The following AK1 variants were observed in gnomAD, a reference collection of about 807,000 sequenced individuals.
The protein encoded by AK1 is adenylate kinase 1, also known as adenylate kinase isoenzyme 1.
AK1 carries 13 observed loss-of-function variants against 23.9 expected under a neutral mutation model. The observed-to-expected ratio is 0.54, with a 90% CI of 0.35 to 0.86. The LOEUF (loss-of-function observed/expected upper bound fraction) is 0.86, where lower values mean the gene tolerates loss of function less well. Among genes scored for constraint, AK1 ranks in the 40% least tolerant of loss-of-function variants. AK1 has a pLI of 0.01. For synonymous variants in AK1, 97 were observed against 102.8 expected (o/e 0.94, Z 0.34); for missense variants, 214 against 255.1 (o/e 0.84, Z 1.10).
Position 127,876,056 on chromosome 9 carries a change from G to A in AK1, c.-32-1407C>T, listed in dbSNP as rs150716722. 6.8e-3 allele frequency among the ~76,000 whole-genome samples: 1,036 copies of A among 152,254 alleles called. 10 individuals carry two copies. The highest frequency in any genetic ancestry group is 0.024 in the Middle Eastern group (7 of 294). ...CCCCTTGACATAGTGGATAGGTCCC[G>A]GTGAGCTGACCTCTGCTGCCCTCTG... is the stretch of plus-strand genomic sequence containing the variant. On this transcript the variant is annotated intron_variant, in intron 1 of 6. Transcript: ENST00000644144.
upstream of AK1, chr9:127,877,736 G>C (rs1051286574): frequency 6.6e-6 from 1 of 152,360 alleles, no homozygotes; most frequent in Non-Finnish European, 1.5e-5. This position sits in a 1 kb window ranked among gnomAD's most constrained non-coding sequence, Gnocchi z 5.2. Flanking sequence ...CCGGGAGCCG[G>C]CGTTCCCGAA....
rs1402383449 is a variant in AK1 at position 127,874,638 on chromosome 9, C to A, written c.-21G>T. 1 of 1,613,842 alleles carries A rather than the reference C, an allele frequency of 6.2e-7. No individual in the cohort carries two copies. The highest frequency in any genetic ancestry group is 1.7e-4 in the Middle Eastern group (1 of 5,960). ...TCCATCCTGCCGAGGTCCCGGGAGC[C>A]GTGTCAGTGCTCTGTAAGACAAGGG... is the stretch of plus-strand genomic sequence containing the variant. On this transcript the variant is annotated 5_prime_UTR_variant, in exon 2 of 7. Coordinates refer to ENST00000644144, the MANE Select transcript of AK1 (RefSeq NM_000476.3).
In AK1 at chr9:127,872,795, G is replaced by A. The variant is rs61741075; in HGVS notation, c.102C>T (p.Tyr34=). The change falls in exon 4 of 7, where the codon TAC becomes TAT. Residue 34 remains tyrosine (Y), a synonymous_variant. Coordinates refer to ENST00000644144, the MANE Select transcript of AK1 (RefSeq NM_000476.3). ...QCEKIVQKYG[Y]THLSTGDLLR... ...GGAGGTCCCCGGTGGAGAGGTGGGT[G>A]TAGCCATACTTCTGCACGATCTTCT... is the stretch of plus-strand genomic sequence containing the variant. The A allele has an allele frequency of 1.4e-3, 2,213 of 1,613,232 alleles. 21 individuals are homozygous for A. The African/African-American group carries it at 0.026, about 19-fold the overall frequency.
Position 127,867,877 on chromosome 9 carries a change from A to C in AK1, c.*131T>G, listed in dbSNP as rs1730321803. 1.2e-6 allele frequency: 1 copy of C among 866,814 alleles called. No homozygotes were observed. The highest frequency in any genetic ancestry group is 2.4e-5 in the East Asian group (1 of 40,958). 53.7% of individuals were successfully genotyped at this position (866,814 alleles called of 1,614,324 possible). ...TCCTTTAGTGCTCAGCTGTCCATGA[A>C]AACAGGATAAGCGGCTTCCTCCGTC... On this transcript the variant is annotated 3_prime_UTR_variant, in exon 7 of 7. Coordinates refer to ENST00000644144, the MANE Select transcript of AK1 (RefSeq NM_000476.3).
chr9:127,874,543 A>C, intron 2 of AK1, 68 bp downstream of exon 2: 1 of 1,611,804 alleles, frequency 6.2e-7, no homozygotes, highest in Non-Finnish European at 8.5e-7. Flanking sequence ...TCTCCCTGAG[A>C]GCGCACCCCC....
intron 2 of AK1, chr9:127,873,981 C>A: frequency 5.1e-6 from 5 of 985,452 alleles, no homozygotes; most frequent in Non-Finnish European, 6.0e-6. Context: ...TCCTGTGGGC[C>A]CCTATCCCGG....
chr9:127,870,720 T>C (rs1163165391), intron 5 of AK1, among the ~76,000 whole-genome samples: 1 of 152,052 alleles, frequency 6.6e-6, no homozygotes, highest in Non-Finnish European at 1.5e-5. Context: ...CAGCCACTCA[T>C]GCAGCCACTC....
Position 127,876,923 on chromosome 9 carries a change from A to C in AK1, c.-33+700T>G, listed in dbSNP as rs1175840204. Among the ~76,000 whole-genome samples the C allele has an allele frequency of 2.6e-5, 4 of 152,206 alleles. No individual in the cohort carries two copies. In the East Asian group the frequency reaches 7.7e-4, roughly 29 times the overall value. On this transcript the variant is annotated intron_variant, in intron 1 of 6. Transcript: ENST00000644144. Reference sequence around the variant, plus strand: ...GGTGACTTAACCCCAATCACAAGACAAGGCCAAGGCAAGCCCAGGTCTCCC... The same window carrying C: ...GGTGACTTAACCCCAATCACAAGACCAGGCCAAGGCAAGCCCAGGTCTCCC...
At chr9:127,872,342 T>G (rs888885912) in intron 4 of AK1, among the ~76,000 whole-genome samples, 1 of 150,484 alleles carries the variant, frequency 6.6e-6, no homozygotes, top group African/African-American at 2.5e-5. Flanking sequence ...AGTAGAAAAT[T>G]GGGGGGGGAG....
chr9:127,872,054 C>T, intron 4 of AK1, 115 bp from the exon 5 acceptor site: 1 of 866,892 alleles, frequency 1.2e-6, no homozygotes, highest in Non-Finnish European at 1.9e-6. Flanking sequence ...CACAAATGTC[C>T]CAAACAAGCC....
At chr9:127,874,771 G>A (rs1829498823) in intron 1 of AK1, 122 bp from the exon 2 acceptor site, 1 of 963,958 alleles carries the variant, frequency 1.0e-6, no homozygotes, top group Non-Finnish European at 1.6e-6. Context: ...AGGGCAGAGG[G>A]GGCTGCTGGG....
At chr9:127,875,691 C>T (rs1829522472) in intron 1 of AK1, among the ~76,000 whole-genome samples, 1 of 151,922 alleles carries the variant, frequency 6.6e-6, no homozygotes, top group Non-Finnish European at 1.5e-5. Context: ...GCCCCACAGG[C>T]TTCTCAGGCT....
intron 2 of AK1, chr9:127,873,335 C>A: frequency 6.5e-7 from 1 of 1,544,554 alleles, no homozygotes; most frequent in East Asian, 2.4e-5. Flanking sequence ...AGCCAGCGGG[C>A]TGGGCCGCCA....
At chr9:127,873,836 G>C in intron 2 of AK1, 1 of 985,406 alleles carries the variant, frequency 1.0e-6, no homozygotes, top group Non-Finnish European at 1.2e-6. Flanking sequence ...ATCCCACCTT[G>C]CTGTGTGACT....
chr9:127,878,758 G>A (rs1353509222), upstream of AK1, among the ~76,000 whole-genome samples: 1 of 152,204 alleles, frequency 6.6e-6, no homozygotes, highest in Non-Finnish European at 1.5e-5. Context: ...TGCTACCTGT[G>A]ATGTCAGATA....
rs1484790525 is a variant in AK1 at position 127,868,361 on chromosome 9, G to T, written c.476C>A (p.Pro159His). 3.1e-6 allele frequency: 5 copies of T among 1,610,118 alleles called. No homozygotes were observed. The African/African-American group carries it at 6.7e-5, about 21-fold the overall frequency. Residue 159 changes from proline to histidine, a missense_variant, in exon 6 of 7, where the codon CCT becomes CAT. Physicochemically the swap from Pro to His is moderately conservative, Grantham distance 77. Coordinates refer to ENST00000644144, the MANE Select transcript of AK1 (RefSeq NM_000476.3). The surrounding 1 kb of genome is among the most constrained non-coding windows in gnomAD (Gnocchi z 4.1). ...RLETYYKATE[P>H]VIAFYEKRGI... ...ACGTTTCTCATAGAAGGCGATGACAGGTTCTGTGGCCTTGTAATAGGTCTC... is the reference window on the plus strand; with the variant it reads ...ACGTTTCTCATAGAAGGCGATGACATGTTCTGTGGCCTTGTAATAGGTCTC...
rs541690262 is a variant in AK1 at position 127,872,952 on chromosome 9, T to A, written c.43+74A>T. On this transcript the variant is annotated intron_variant, in intron 3 of 6. Coordinates refer to ENST00000644144, the MANE Select transcript of AK1 (RefSeq NM_000476.3). ...AGAGAGGGAGGGGCAGAGCCCAGGG[T>A]GCAGCCCCAGGCCCGGGCTCCCTCC... The A allele has an allele frequency of 8.7e-6, 14 of 1,612,844 alleles. No homozygotes were observed. The African/African-American group carries it at 1.7e-4, about 20-fold the overall frequency.
At chr9:127,876,098 C>T (rs930806228) in intron 1 of AK1, among the ~76,000 whole-genome samples, 11 of 152,224 alleles carry the variant, frequency 7.2e-5, no homozygotes, top group Admixed American at 5.2e-4. Flanking sequence ...TATCAGCTGC[C>T]ACTGGCAGAT....
chr9:127,873,177 G>A lies in AK1; in HGVS notation c.8-116C>T, dbSNP rs545612570. On this transcript the variant is annotated intron_variant, in intron 2 of 6. Coordinates refer to ENST00000644144, the MANE Select transcript of AK1 (RefSeq NM_000476.3). ...AGGCGGAGGGACAGACACCGCTGGC[G>A]CTCCTGTCAGGGAGGCAGACAAGTC... 4.7e-5 allele frequency: 73 copies of A among 1,545,446 alleles called. No individual in the cohort carries two copies. In the South Asian group the frequency reaches 5.1e-4, roughly 11 times the overall value.
Sources: allele counts gnomAD v4.1 joint callset (sites outside exome capture counted in the v4.1 genomes callset), GRCh38; gene constraint gnomAD v4.1.1; non-coding constraint Gnocchi (gnomAD v3.1); transcripts MANE v1.5; gene names NCBI Gene and HGNC (gene_info 2026-07-23, HGNC 2026-07-21).